HHAT: variants seen among roughly 807,000 people sequenced by gnomAD.
The protein encoded by HHAT is protein-cysteine N-palmitoyltransferase HHAT.
A neutral mutation model predicts 70.8 loss-of-function variants in HHAT; 47 were observed. That is an observed-to-expected ratio of 0.66 (90% CI 0.53 to 0.85). The LOEUF (loss-of-function observed/expected upper bound fraction) is 0.85, where lower values mean the gene tolerates loss of function less well. HHAT is among the 40% of genes least tolerant of loss of function. The pLI is 0.00. For synonymous variants in HHAT, 228 were observed against 247.6 expected, an observed-to-expected ratio of 0.92 and a Z score of 0.74; for missense variants, 609 against 604.8, an observed-to-expected ratio of 1.01 and a Z score of -0.07.
rs545581948 is a variant in HHAT at position 210,493,319 on chromosome 1, G to T, written c.1008-19834G>T. Reference sequence around the variant, plus strand: ...TAATTGGCAAATTCAAACTCTGCAGGGCAGGCTGGCAGACTGAAGAGCCAG... The same window carrying T: ...TAATTGGCAAATTCAAACTCTGCAGTGCAGGCTGGCAGACTGAAGAGCCAG... On this transcript the variant is annotated intron_variant, in intron 8 of 11. Transcript: ENST00000261458. 6.0e-4 allele frequency among the ~76,000 whole-genome samples: 91 copies of T among 152,110 alleles called. No individual in the cohort carries two copies. In the South Asian group the frequency reaches 0.012, roughly 19 times the overall value.
intron 7 of HHAT, among the ~76,000 whole-genome samples, chr1:210,444,892 T>G (rs2093603581): frequency 1.3e-5 from 2 of 152,164 alleles, no homozygotes; most frequent in African/African-American, 4.8e-5. Context: ...CAGGCTGGAG[T>G]GCAGTGGCAC....
Position 210,515,225 on chromosome 1 carries a change from T to C in HHAT, c.1043+2037T>C, listed in dbSNP as rs1572964401. Reference sequence around the variant, plus strand: ...CAACTGGGGAATGAGAAGTCAGTTTTGCAGGCATCCCTAGCCTCTGGGAGT... The same window carrying C: ...CAACTGGGGAATGAGAAGTCAGTTTCGCAGGCATCCCTAGCCTCTGGGAGT... On this transcript the variant is annotated intron_variant, in intron 9 of 11. Transcript: ENST00000261458. Among the ~76,000 whole-genome samples, 9 of 152,336 alleles carry C rather than the reference T, an allele frequency of 5.9e-5. No individual in the cohort carries two copies. The South Asian group carries it at 1.9e-3, about 32-fold the overall frequency.
chr1:210,668,622 A>G (rs903080492), intron 11 of HHAT, among the ~76,000 whole-genome samples: 27 of 152,164 alleles, frequency 1.8e-4, no homozygotes, highest in African/African-American at 6.3e-4. Context: ...CTTTTTCTTT[A>G]TAAATTACCC....
intron 1 of HHAT, among the ~76,000 whole-genome samples, chr1:210,340,821 G>GA (rs931741034): frequency 2.0e-5 from 3 of 152,016 alleles, no homozygotes; most frequent in African/African-American, 7.3e-5. Context: ...ATAGATTTTG[G>GA]AAAAAATGAG....
At chr1:210,500,647 A>G (rs2094735923) in intron 8 of HHAT, among the ~76,000 whole-genome samples, 1 of 152,242 alleles carries the variant, frequency 6.6e-6, no homozygotes, top group East Asian at 1.9e-4. Flanking sequence ...CAACCTGGGC[A>G]GAAAGATCAG....
intron 11 of HHAT, among the ~76,000 whole-genome samples, chr1:210,652,448 AACCCGGGGCCC>A (rs1558358589): frequency 2.0e-5 from 3 of 152,166 alleles, no homozygotes; most frequent in African/African-American, 7.2e-5. Flanking sequence ...CAGAGGGCAG[AACCCGGGGCCC>A]ACTGTGTTCT....
At chr1:210,377,190 A>G (rs1238730429) in intron 3 of HHAT, among the ~76,000 whole-genome samples, 1 of 152,196 alleles carries the variant, frequency 6.6e-6, no homozygotes, top group Non-Finnish European at 1.5e-5. Flanking sequence ...CACTAATGGT[A>G]TGTGTGATTT....
At chr1:210,667,720 G>A (rs906265151) in intron 11 of HHAT, among the ~76,000 whole-genome samples, 1 of 151,936 alleles carries the variant, frequency 6.6e-6, no homozygotes, top group Non-Finnish European at 1.5e-5. Flanking sequence ...GGCAACCCCC[G>A]ATATGCTTTT....
intron 7 of HHAT, among the ~76,000 whole-genome samples, chr1:210,449,502 T>C (rs1304109635): frequency 6.6e-6 from 1 of 152,252 alleles, no homozygotes; most frequent in Non-Finnish European, 1.5e-5. Flanking sequence ...TCATGCTTTG[T>C]CTATGCCATT....
intron 9 of HHAT, among the ~76,000 whole-genome samples, chr1:210,532,807 A>C (rs1201225522): frequency 6.6e-6 from 1 of 152,238 alleles, no homozygotes; most frequent in East Asian, 1.9e-4. Context: ...AGAATGATTA[A>C]ACCAGTTAGA....
chr1:210,348,736 C>CGTGTGTGTGTGT (rs71303046), intron 1 of HHAT, among the ~76,000 whole-genome samples, 197 bp from the exon 2 acceptor site: 9,566 of 147,928 alleles, frequency 0.065, 405 homozygotes, highest in South Asian at 0.092. Context: ...TGTATGTGTG[C>CGTGTGTGTGTGT]GTGTGTGTGT....
chr1:210,345,568 A>G (rs1214113679), intron 1 of HHAT, among the ~76,000 whole-genome samples: 1 of 152,222 alleles, frequency 6.6e-6, no homozygotes, highest in Non-Finnish European at 1.5e-5. Flanking sequence ...GTGTATGTGT[A>G]TAGCTCTTGT....
At chr1:210,538,304 C>A (rs1156327623) in intron 9 of HHAT, among the ~76,000 whole-genome samples, 1 of 152,012 alleles carries the variant, frequency 6.6e-6, no homozygotes, top group Non-Finnish European at 1.5e-5. Flanking sequence ...TATTTAGCCA[C>A]TGAAGAAAGT....
intron 11 of HHAT, among the ~76,000 whole-genome samples, chr1:210,673,120 C>T (rs1680415812): frequency 6.6e-6 from 1 of 152,014 alleles, no homozygotes; most frequent in Admixed American, 6.6e-5. Context: ...ATCAAATGAC[C>T]CTCCTGATCT....
intron 10 of HHAT, among the ~76,000 whole-genome samples, chr1:210,592,923 A>G (rs1330421911): frequency 6.7e-6 from 1 of 150,328 alleles, no homozygotes; most frequent in Non-Finnish European, 1.5e-5. Context: ...GTGCATATGC[A>G]CAAGGTGCAG....
chr1:210,616,447 A>G lies in HHAT; in HGVS notation c.1246-7079A>G, dbSNP rs185166596. On this transcript the variant is annotated intron_variant, in intron 10 of 11. Coordinates refer to ENST00000261458, the MANE Select transcript of HHAT (RefSeq NM_018194.6). ...GGGGAGATTTGCTAAATCTCCTACTATACTTGTGGATCCCAGTTACTTTTA... is the reference window on the plus strand; with the variant it reads ...GGGGAGATTTGCTAAATCTCCTACTGTACTTGTGGATCCCAGTTACTTTTA... 7.5e-4 allele frequency among the ~76,000 whole-genome samples: 114 copies of G among 152,280 alleles called. 1 individual carries two copies. Among genetic ancestry groups the G allele is most frequent in the Middle Eastern group, 3.4e-3 (1 of 294 alleles).
chr1:210,426,756 G>A (rs977732909), intron 7 of HHAT, among the ~76,000 whole-genome samples: 6 of 152,106 alleles, frequency 3.9e-5, no homozygotes, highest in Non-Finnish European at 8.8e-5. Flanking sequence ...GTATTTTGTT[G>A]AGTATTTTTG....
At chr1:210,447,802 G>A (rs1318593295) in intron 7 of HHAT, among the ~76,000 whole-genome samples, 2 of 152,178 alleles carry the variant, frequency 1.3e-5, no homozygotes, top group African/African-American at 4.8e-5. Flanking sequence ...GAAGATACGA[G>A]GCCCCACATT....
chr1:210,532,113 A>G (rs1324316001), intron 9 of HHAT, among the ~76,000 whole-genome samples: 1 of 152,256 alleles, frequency 6.6e-6, no homozygotes, highest in Non-Finnish European at 1.5e-5. Flanking sequence ...TTATTTGCAG[A>G]CAATGTGTTT....
Sources: gnomAD v4.1 joint callset for allele counts (sites outside exome capture counted in the v4.1 genomes callset) on GRCh38, gnomAD v4.1.1 for gene constraint, MANE v1.5 for transcripts, NCBI Gene and HGNC (gene_info 2026-07-23, HGNC 2026-07-21) for gene names.